R3HDM1: variants seen among roughly 807,000 people sequenced by gnomAD.
The protein encoded by R3HDM1 is R3H domain containing 1, also known as R3H domain-containing protein 1.
Under a neutral mutation model 141.1 loss-of-function variants are expected in R3HDM1, and 46 were observed. The ratio of observed to expected loss-of-function variants is 0.33; its 90% CI spans 0.26 to 0.42. The LOEUF (loss-of-function observed/expected upper bound fraction) is 0.42, where lower values mean the gene tolerates loss of function less well. Ranked by LOEUF, R3HDM1 falls within the 10% of genes least tolerant of loss-of-function variation. R3HDM1 has a pLI of 1.00. For synonymous variants in R3HDM1, 435 were observed against 472.9 expected, an observed-to-expected ratio of 0.92 and a Z score of 1.04; for missense variants, 1,184 against 1,368.3, an observed-to-expected ratio of 0.87 and a Z score of 2.12.
chr2:135,566,945 T>C (rs2104979482), intron 1 of R3HDM1: 1 of 154,176 alleles, frequency 6.5e-6, no homozygotes, highest in East Asian at 2.0e-4. Context: ...CACTTCAGCC[T>C]GGGCAACACA....
rs77931727 is a variant in R3HDM1 at position 135,717,166 on chromosome 2, G to A, written c.2881+1472G>A. 0.011 allele frequency among the ~76,000 whole-genome samples: 1,624 copies of A among 152,082 alleles called. 103 individuals are homozygous for A. In the East Asian group the frequency reaches 0.19, roughly 18 times the overall value. ...TTAGAATGGCTATAATCAAAAAGACGGACAACACCAAATGTTAGTAAAGAA... is the reference window on the plus strand; with the variant it reads ...TTAGAATGGCTATAATCAAAAAGACAGACAACACCAAATGTTAGTAAAGAA... On this transcript the variant is annotated intron_variant, in intron 24 of 26. Transcript: ENST00000683871.
intron 1 of R3HDM1, among the ~76,000 whole-genome samples, chr2:135,555,829 C>T (rs1218065609): frequency 1.3e-5 from 2 of 152,112 alleles, no homozygotes; most frequent in Non-Finnish European, 2.9e-5. Context: ...AATTTGAGAT[C>T]AGCTGGGGCA....
chr2:135,546,350 C>CT (rs1399525271), intron 1 of R3HDM1, among the ~76,000 whole-genome samples: 5 of 152,162 alleles, frequency 3.3e-5, no homozygotes, highest in African/African-American at 1.2e-4. Flanking sequence ...GCCCTCTTCC[C>CT]TTCCCTTCCT....
chr2:135,621,541 G>A lies in R3HDM1; in HGVS notation c.351G>A (p.Lys117=). 6.2e-7 allele frequency: 1 copy of A among 1,601,008 alleles called. No homozygotes were observed. The highest frequency in any genetic ancestry group is 8.5e-7 in the Non-Finnish European group (1 of 1,173,742). ...QLTQSFEKEE[K]PSKDEAEKEK... is the part of the protein sequence containing the mutation. ...CACAATCATTTGAGAAAGAAGAGAA[G>A]CCCTCAAAAGATGAAGCAGAAAAAG... Residue 117 remains lysine (K), a synonymous_variant, in exon 6 of 27, where the codon AAG becomes AAA. Coordinates refer to ENST00000683871, the MANE Select transcript of R3HDM1 (RefSeq NM_001378107.1).
At chr2:135,675,118 A>C (rs1047573682) in intron 19 of R3HDM1, among the ~76,000 whole-genome samples, 6 of 152,170 alleles carry the variant, frequency 3.9e-5, no homozygotes, top group African/African-American at 1.4e-4. Context: ...TGTAGAAGAA[A>C]TCTTTGTAGG....
rs1342056589 is a variant in R3HDM1, at chr2:135,652,007, G to C, written c.2003G>C (p.Gly668Ala). Residue 668 changes from glycine (G) to alanine (A), a missense_variant, in exon 18 of 27, where the codon GGA becomes GCA. Transcript: ENST00000683871. The part of the protein sequence containing the change: ...PVSQPVLQQQ[G>A]YIQQPSPQMP... Reference sequence around the variant, plus strand: ...AGCCAGCCTGTGCTCCAGCAGCAGGGATATATTCAGCAGCCATCACCACAG... The same window carrying C: ...AGCCAGCCTGTGCTCCAGCAGCAGGCATATATTCAGCAGCCATCACCACAG... 6.2e-7 allele frequency: 1 copy of C among 1,601,632 alleles called. No homozygotes were observed. The highest frequency in any genetic ancestry group is 1.7e-5 in the Admixed American group (1 of 59,556).
chr2:135,692,452 C>T (rs967783679), intron 21 of R3HDM1, among the ~76,000 whole-genome samples: 6 of 152,098 alleles, frequency 3.9e-5, no homozygotes, highest in East Asian at 3.9e-4. Context: ...ATTAGCTGGG[C>T]GTGGTGGCAC....
intron 1 of R3HDM1, among the ~76,000 whole-genome samples, chr2:135,535,367 C>G (rs1006524600): frequency 2.0e-5 from 3 of 151,928 alleles, no homozygotes; most frequent in Non-Finnish European, 4.4e-5. Context: ...GGCGTGTTGG[C>G]GGGTGCCTGT....
intron 7 of R3HDM1, among the ~76,000 whole-genome samples, chr2:135,628,864 G>A (rs1404866596): frequency 6.6e-6 from 1 of 152,082 alleles, no homozygotes; most frequent in Admixed American, 6.5e-5. Context: ...TACCTCAGGT[G>A]ACCTGCCCAC....
intron 23 of R3HDM1, among the ~76,000 whole-genome samples, chr2:135,711,208 C>A (rs1461707335): frequency 6.6e-6 from 1 of 152,128 alleles, no homozygotes; most frequent in Non-Finnish European, 1.5e-5. Context: ...AACAAATTAC[C>A]TGATACCTGA....
chr2:135,548,526 T>C (rs1699210775), intron 1 of R3HDM1, among the ~76,000 whole-genome samples: 6 of 152,186 alleles, frequency 3.9e-5, no homozygotes, highest in Admixed American at 3.9e-4. Context: ...CATTGAGATA[T>C]AGAACATTGC....
At chr2:135,619,744 G>A in intron 5 of R3HDM1, 1 of 968,008 alleles carries the variant, frequency 1.0e-6, no homozygotes, top group Non-Finnish European at 1.2e-6. Context: ...GCTTGATTCA[G>A]AATGTGATTT....
At position 135,699,035 on chromosome 2, in the gene R3HDM1, A is replaced by ATTGAT. The variant is rs745595308; in HGVS notation, c.2460-10397_2460-10396insTGATT. 4.7e-5 allele frequency among the ~76,000 whole-genome samples: 5 copies of ATTGAT among 106,976 alleles called. No homozygotes were observed. The South Asian group carries it at 1.1e-3, about 24-fold the overall frequency. 70.2% of individuals were successfully genotyped at this position (106,976 alleles called of 152,430 possible). On this transcript the variant is annotated intron_variant, in intron 21 of 26. Coordinates refer to ENST00000683871, the MANE Select transcript of R3HDM1 (RefSeq NM_001378107.1). ...GATAGATAGATAGATAGATAGATAG[A>ATTGAT]TAGATAGATAAGATAGATAAGATAG...
intron 19 of R3HDM1, among the ~76,000 whole-genome samples, chr2:135,668,374 T>G (rs2067837616): frequency 6.6e-6 from 1 of 152,250 alleles, no homozygotes; most frequent in South Asian, 2.1e-4. Context: ...AATTATATAC[T>G]TTTTAGCCAG....
At chr2:135,565,647 T>C (rs1448580894) in intron 1 of R3HDM1, 1 of 152,114 alleles carries the variant, frequency 6.6e-6, no homozygotes, top group East Asian at 1.9e-4. Flanking sequence ...ATTAAAAATA[T>C]AACTTGATAG....
intron 21 of R3HDM1, among the ~76,000 whole-genome samples, chr2:135,691,031 A>G (rs1238256978): frequency 6.6e-6 from 1 of 152,186 alleles, no homozygotes; most frequent in African/African-American, 2.4e-5. Context: ...TTTGAAAAAT[A>G]CTTCTCTTAT....
intron 1 of R3HDM1, chr2:135,590,407 G>C: frequency 3.4e-6 from 1 of 296,018 alleles, no homozygotes; most frequent in Non-Finnish European, 5.0e-6. Flanking sequence ...GGTAGAAAAT[G>C]AATGACAAAA....
chr2:135,709,552 T>C lies in R3HDM1; in HGVS notation c.2563+16T>C. ...CAATGTACAGGTATAAAGAAATCAG[T>C]GAAAATAAGATGATTGGTTCATATG... On this transcript the variant is annotated intron_variant, in intron 22 of 26. Transcript: ENST00000683871. 1 of 1,611,292 alleles carries C rather than the reference T, an allele frequency of 6.2e-7. No individual in the cohort carries two copies. The highest frequency in any genetic ancestry group is 1.1e-5 in the South Asian group (1 of 90,836).
chr2:135,627,696 T>C (rs941651545), intron 7 of R3HDM1, among the ~76,000 whole-genome samples: 16 of 152,164 alleles, frequency 1.1e-4, no homozygotes, highest in African/African-American at 3.4e-4. Flanking sequence ...GTAATTTGTT[T>C]TGCTCTAGGG....
Sources: gnomAD v4.1 joint callset for allele counts (sites outside exome capture counted in the v4.1 genomes callset) on GRCh38, gnomAD v4.1.1 for gene constraint, MANE v1.5 for transcripts, NCBI Gene and HGNC (gene_info 2026-07-23, HGNC 2026-07-21) for gene names.